DCLRE1C: variants seen among roughly 807,000 people sequenced by gnomAD.
DCLRE1C encodes protein artemis.
A neutral mutation model predicts 61.4 loss-of-function variants in DCLRE1C; 47 were observed. The ratio of observed to expected loss-of-function variants is 0.77; its 90% CI spans 0.61 to 0.98. The LOEUF (loss-of-function observed/expected upper bound fraction) is 0.98, where lower values mean the gene tolerates loss of function less well. Ranked by LOEUF, DCLRE1C falls within the 50% of genes least tolerant of loss-of-function variation. The probability of loss-of-function intolerance (pLI) is 0.00; values close to 1 mark genes in which losing one functional copy is unlikely to be tolerated. For synonymous variants in DCLRE1C, 337 were observed against 287.6 expected, an observed-to-expected ratio of 1.17 and a Z score of -1.74; for missense variants, 858 against 816.0, an observed-to-expected ratio of 1.05 and a Z score of -0.63.
Position 14,938,203 on chromosome 10 carries a change from CAA to C in DCLRE1C, c.306+1605_306+1606del, listed in dbSNP as rs1428739629. On this transcript the variant is annotated intron_variant, in intron 4 of 13. Transcript: ENST00000378278. ...AAATCAAAGTGGTGGCAGGACTGCT[CAA>C]AAGTCAGCCTGCTGTCGGCCCCCAG... 9.8e-5 allele frequency among the ~76,000 whole-genome samples: 15 copies of C among 152,286 alleles called. No individual in the cohort carries two copies. In the South Asian group the frequency reaches 2.9e-3, roughly 29 times the overall value.
chr10:14,900,654 C>T (rs1833943308), downstream of DCLRE1C, among the ~76,000 whole-genome samples: 1 of 152,142 alleles, frequency 6.6e-6, no homozygotes, highest in African/African-American at 2.4e-5. Flanking sequence ...ATTCTCAAAA[C>T]ATTGAAGAGT....
chr10:14,905,818 C>G lies in DCLRE1C; in HGVS notation c.*2590G>C, dbSNP rs1036807506. Among the ~76,000 whole-genome samples the G allele has an allele frequency of 6.6e-6, 1 of 152,074 alleles. No individual in the cohort carries two copies. Among genetic ancestry groups the G allele is most frequent in the Non-Finnish European group, 1.5e-5 (1 of 68,022 alleles). The stretch of plus-strand genomic sequence containing the variant: ...TGACCAATATGGTGAAACCCTGTCT[C>G]TACTAAAAATACAAAAATTAGCCAG... On this transcript the variant is annotated 3_prime_UTR_variant, in exon 14 of 14. Coordinates refer to ENST00000378278, the MANE Select transcript of DCLRE1C (RefSeq NM_001033855.3).
chr10:14,902,670 G>GA (rs1259844410), downstream of DCLRE1C: 16 of 528,272 alleles, frequency 3.0e-5, no homozygotes. Context: ...CGATGCCTCT[G>GA]AAAAGGGGGT....
At chr10:14,904,307 A>G (rs1253878179), downstream of DCLRE1C, 1 of 146,430 alleles carries the variant, frequency 6.8e-6, no homozygotes, top group East Asian at 2.0e-4. Flanking sequence ...TGTCTCCAAA[A>G]AAAAAAAATT....
At chr10:14,939,342 G>A (rs1296415083) in intron 4 of DCLRE1C, among the ~76,000 whole-genome samples, 1 of 151,898 alleles carries the variant, frequency 6.6e-6, no homozygotes, top group African/African-American at 2.4e-5. Context: ...TACTAGAGAG[G>A]CTGAGGCAGG....
intron 13 of DCLRE1C, among the ~76,000 whole-genome samples, chr10:14,909,675 A>G (rs1432322749): frequency 6.6e-6 from 1 of 152,152 alleles, no homozygotes; most frequent in Non-Finnish European, 1.5e-5. Flanking sequence ...AGATAGGACC[A>G]AATAATTTGA....
At chr10:14,916,684 A>G (rs1041274093) in intron 13 of DCLRE1C, among the ~76,000 whole-genome samples, 8 of 152,218 alleles carry the variant, frequency 5.3e-5, no homozygotes, top group Non-Finnish European at 1.2e-4. Flanking sequence ...TATCCCCCAA[A>G]ATGAAATACT....
intron 1 of DCLRE1C, among the ~76,000 whole-genome samples, chr10:14,949,314 A>G (rs919342871): frequency 1.3e-5 from 2 of 152,164 alleles, no homozygotes; most frequent in African/African-American, 4.8e-5. Flanking sequence ...TTAAAAGGAG[A>G]GTGATTCTGT....
Position 14,929,531 on chromosome 10 carries a change from A to C in DCLRE1C, c.781-1379T>G, listed in dbSNP as rs183513187. On this transcript the variant is annotated intron_variant, in intron 9 of 13. Transcript: ENST00000378278. ...GTGGTACACAACTGCAGTCCCAGCT[A>C]TTCAGGAGGCCGAGGCAGGAAGATC... Among the ~76,000 whole-genome samples the C allele has an allele frequency of 2.0e-4, 31 of 151,964 alleles. No individual in the cohort carries two copies. The East Asian group carries it at 5.0e-3, about 25-fold the overall frequency.
chr10:14,918,629 T>TAAA (rs57588352), intron 13 of DCLRE1C, among the ~76,000 whole-genome samples: 8 of 138,580 alleles, frequency 5.8e-5, no homozygotes, highest in South Asian at 2.3e-4. Flanking sequence ...AGCTGTTTTT[T>TAAA]AAAAAAAAAA....
At chr10:14,936,013 A>G (rs1839847828) in intron 5 of DCLRE1C, among the ~76,000 whole-genome samples, 1 of 152,076 alleles carries the variant, frequency 6.6e-6, no homozygotes, top group Non-Finnish European at 1.5e-5. Flanking sequence ...GGATCAAGCA[A>G]TTCCCCAGTA....
At chr10:14,933,052 T>C (rs1368650326) in intron 8 of DCLRE1C, 97 bp from the exon 9 acceptor site, 25 of 1,330,608 alleles carry the variant, frequency 1.9e-5, no homozygotes, top group Non-Finnish European at 2.3e-5. Flanking sequence ...AGTTAGTGAA[T>C]TAACCCTCTC....
rs1362578701 is a variant in DCLRE1C, at chr10:14,919,814, C to A, written c.1080G>T (p.Arg360=). The A allele has an allele frequency of 6.2e-7, 1 of 1,613,412 alleles. No homozygotes were observed. Among genetic ancestry groups the A allele is most frequent in the Non-Finnish European group, 8.5e-7 (1 of 1,179,550 alleles). ...ACTTTGGCTCCGTACTTTGGGAAGA[C>A]CGGCATAAAGGCTTTAAGCTGAAAT... ...KVVEILKPLC[R]SSQSTEPKYK... is the part of the protein sequence containing the mutation. The change falls in exon 13 of 14, where the codon CGG becomes CGT. Residue 360 remains arginine (R), a synonymous_variant. Transcript: ENST00000378278.
chr10:14,950,925 C>A (rs1842368927), intron 1 of DCLRE1C, among the ~76,000 whole-genome samples: 2 of 152,282 alleles, frequency 1.3e-5, no homozygotes, highest in Middle Eastern at 3.4e-3. Flanking sequence ...TTTCCCCAAC[C>A]CTGGGCCACT....
At chr10:14,901,498 T>A (rs1170641952), downstream of DCLRE1C, among the ~76,000 whole-genome samples, 1 of 152,156 alleles carries the variant, frequency 6.6e-6, no homozygotes. Context: ...ACTTCCATTT[T>A]GGAAACTGAT....
intron 13 of DCLRE1C, chr10:14,899,521 A>C (rs776401267): frequency 1.2e-6 from 2 of 1,612,948 alleles, no homozygotes; most frequent in Non-Finnish European, 8.5e-7. Flanking sequence ...TAATATACTT[A>C]CAGTTTTTTC....
chr10:14,954,186 C>A (rs542678989), upstream of DCLRE1C: 15 of 1,101,770 alleles, frequency 1.4e-5, no homozygotes, highest in African/African-American at 2.2e-4. Context: ...AGCATCCGGT[C>A]GGGTTCTAGG....
intron 10 of DCLRE1C, among the ~76,000 whole-genome samples, 163 bp from the exon 11 acceptor site, chr10:14,927,060 G>A (rs991737085): frequency 1.3e-5 from 2 of 152,200 alleles, no homozygotes; most frequent in African/African-American, 2.4e-5. Flanking sequence ...TTCTTCTTGG[G>A]ATAGCAGGGA....
At chr10:14,933,027 C>G in intron 8 of DCLRE1C, 72 bp from the exon 9 acceptor site, 1 of 1,513,448 alleles carries the variant, frequency 6.6e-7, no homozygotes, top group East Asian at 2.3e-5. Context: ...GTTAATTACT[C>G]AGGGCAAAAC....
Sources: gnomAD v4.1 joint callset for allele counts (sites outside exome capture counted in the v4.1 genomes callset) on GRCh38, gnomAD v4.1.1 for gene constraint, MANE v1.5 for transcripts, NCBI Gene and HGNC (gene_info 2026-07-23, HGNC 2026-07-21) for gene names.